The following PTPRD variants were observed in gnomAD, a reference collection of about 807,000 sequenced individuals.
PTPRD encodes the protein receptor-type tyrosine-protein phosphatase delta.
Under a neutral mutation model 214.5 loss-of-function variants are expected in PTPRD, and 34 were observed. That is an observed-to-expected ratio of 0.16 (90% CI 0.12 to 0.21). The LOEUF (loss-of-function observed/expected upper bound fraction) is 0.21, where lower values mean the gene tolerates loss of function less well. Ranked by LOEUF, PTPRD falls within the 10% of genes least tolerant of loss-of-function variation. The pLI, the probability that PTPRD is intolerant of heterozygous loss-of-function variation, is 1.00. For synonymous variants in PTPRD, 1,128 were observed against 845.7 expected (o/e 1.33, Z -5.79); for missense variants, 2,545 against 2,398.7 (o/e 1.06, Z -1.27).
At chr9:10,340,462 T>C (rs530341147) in intron 3 of PTPRD, among the ~76,000 whole-genome samples, 91 of 151,898 alleles carry the variant, frequency 6.0e-4, no homozygotes, top group Non-Finnish European at 1.3e-3. Flanking sequence ...TTGGTCTCTT[T>C]TTGTTTTTTG....
Position 10,143,522 on chromosome 9 carries a change from G to C in PTPRD, c.-544-109732C>G, listed in dbSNP as rs555174928. Among the ~76,000 whole-genome samples the C allele has an allele frequency of 3.3e-5, 5 of 152,028 alleles. No homozygotes were observed. The East Asian group carries it at 9.7e-4, about 30-fold the overall frequency. Reference sequence around the variant, plus strand: ...CTGGAAATTTCTCAAAGAACTAAGAGTTGAACTGCCATTCAACCCAGCAAT... The same window carrying C: ...CTGGAAATTTCTCAAAGAACTAAGACTTGAACTGCCATTCAACCCAGCAAT... On this transcript the variant is annotated intron_variant, in intron 3 of 45. Coordinates refer to ENST00000381196, the MANE Select transcript of PTPRD (RefSeq NM_002839.4).
intron 2 of PTPRD, among the ~76,000 whole-genome samples, chr9:10,577,915 CTT>C (rs148884393): frequency 0.52 from 73,763 of 142,684 alleles, 18,736 homozygotes; most frequent in Middle Eastern, 0.61. Context: ...AAGTTATTTC[CTT>C]TTTTTTTTTT....
chr9:9,613,421 T>A (rs1593048466), intron 7 of PTPRD, among the ~76,000 whole-genome samples: 1 of 152,102 alleles, frequency 6.6e-6, no homozygotes, highest in South Asian at 2.1e-4. Context: ...TCCCTGGGTG[T>A]GATAGATAGA....
At chr9:9,063,736 T>TGTTTA (rs2099714160) in intron 10 of PTPRD, among the ~76,000 whole-genome samples, 2 of 152,160 alleles carry the variant, frequency 1.3e-5, no homozygotes, top group African/African-American at 4.8e-5. Flanking sequence ...AGATGTTTAA[T>TGTTTA]GAACACTAGT....
intron 9 of PTPRD, among the ~76,000 whole-genome samples, chr9:9,250,567 G>C (rs1035072567): frequency 2.6e-5 from 4 of 152,028 alleles, no homozygotes; most frequent in Non-Finnish European, 4.4e-5. Flanking sequence ...AGCAGGTAAA[G>C]GTGATTTTCA....
intron 9 of PTPRD, among the ~76,000 whole-genome samples, chr9:9,319,722 G>C (rs1469703417): frequency 2.6e-5 from 4 of 152,140 alleles, no homozygotes; most frequent in African/African-American, 9.7e-5. Context: ...AGGCACTTTA[G>C]CCTATAGTCA....
chr9:8,782,315 T>C (rs1471026650), intron 11 of PTPRD, among the ~76,000 whole-genome samples: 1 of 152,166 alleles, frequency 6.6e-6, no homozygotes, highest in East Asian at 1.9e-4. Flanking sequence ...TATAATACAT[T>C]GTTATTAACT....
chr9:10,068,584 C>T (rs906913126), intron 3 of PTPRD, among the ~76,000 whole-genome samples: 14 of 151,800 alleles, frequency 9.2e-5, no homozygotes, highest in Non-Finnish European at 1.8e-4. Flanking sequence ...ACTGTGTTTT[C>T]AACCACCAAA....
chr9:8,688,846 G>C (rs1452079653), intron 12 of PTPRD, among the ~76,000 whole-genome samples: 2 of 152,206 alleles, frequency 1.3e-5, no homozygotes, highest in Middle Eastern at 3.4e-3. Flanking sequence ...AAAACGAATG[G>C]TTTTATCCAA....
chr9:9,607,775 C>A (rs1223408421), intron 7 of PTPRD, among the ~76,000 whole-genome samples: 1 of 150,964 alleles, frequency 6.6e-6, no homozygotes. Flanking sequence ...CATTGGCAGA[C>A]GTTTTGAGGG....
intron 10 of PTPRD, among the ~76,000 whole-genome samples, chr9:9,095,097 G>A (rs1274659426): frequency 6.6e-6 from 1 of 152,022 alleles, no homozygotes; most frequent in African/African-American, 2.4e-5. Flanking sequence ...TAAAAAACAT[G>A]CTTGCTAATA....
At chr9:9,144,318 C>T (rs1447902140) in intron 10 of PTPRD, among the ~76,000 whole-genome samples, 1 of 152,178 alleles carries the variant, frequency 6.6e-6, no homozygotes, top group Non-Finnish European at 1.5e-5. Flanking sequence ...TGCAATTTGT[C>T]ACTTTTTGAA....
chr9:9,172,085 A>C (rs1313656449), intron 10 of PTPRD, among the ~76,000 whole-genome samples: 2 of 152,260 alleles, frequency 1.3e-5, no homozygotes, highest in Middle Eastern at 3.4e-3. Context: ...GATTTGAATA[A>C]ATTACTGCAT....
chr9:10,331,470 T>G (rs2096749469), intron 3 of PTPRD, among the ~76,000 whole-genome samples: 1 of 151,886 alleles, frequency 6.6e-6, no homozygotes, highest in South Asian at 2.1e-4. Context: ...CTGAATTCCC[T>G]GATTCACAGT....
At chr9:8,611,766 A>G (rs1455680413) in intron 14 of PTPRD, among the ~76,000 whole-genome samples, 1 of 125,558 alleles carries the variant, frequency 8.0e-6, no homozygotes, top group Non-Finnish European at 1.5e-5. Context: ...AAAAGAAAAG[A>G]AAGGAGGGGA....
intron 9 of PTPRD, among the ~76,000 whole-genome samples, chr9:9,252,046 T>G (rs1382875612): frequency 6.6e-6 from 1 of 152,088 alleles, no homozygotes; most frequent in East Asian, 1.9e-4. Flanking sequence ...CAGCTACATT[T>G]GCCACGGGAT....
At chr9:9,723,919 G>C (rs10977933) in intron 7 of PTPRD, among the ~76,000 whole-genome samples, 78,865 of 151,802 alleles carry the variant, frequency 0.52, 21,333 homozygotes, top group Middle Eastern at 0.66. Flanking sequence ...AGATTCCTTA[G>C]GATTTTCTAC....
intron 3 of PTPRD, among the ~76,000 whole-genome samples, chr9:10,084,377 A>C (rs1232876532): frequency 6.6e-6 from 1 of 151,984 alleles, no homozygotes; most frequent in Non-Finnish European, 1.5e-5. Flanking sequence ...ATATCTGTTA[A>C]ATTGTGAGAA....
At chr9:10,076,759 A>G (rs980101580) in intron 3 of PTPRD, among the ~76,000 whole-genome samples, 1 of 152,154 alleles carries the variant, frequency 6.6e-6, no homozygotes, top group Admixed American at 6.6e-5. Context: ...AGGAAAATGT[A>G]TTTGAGAAAA....
Sources: allele counts gnomAD v4.1 joint callset (sites outside exome capture counted in the v4.1 genomes callset), GRCh38; gene constraint gnomAD v4.1.1; transcripts MANE v1.5; gene names NCBI Gene and HGNC (gene_info 2026-07-23, HGNC 2026-07-21).